The following TENM1 variants were observed in gnomAD, a reference collection of about 807,000 sequenced individuals.
TENM1 encodes teneurin transmembrane protein 1, also known as teneurin-1.
TENM1 carries 35 observed loss-of-function variants against 174.8 expected under a neutral mutation model. The observed-to-expected ratio is 0.20, with a 90% CI of 0.15 to 0.27. The LOEUF (loss-of-function observed/expected upper bound fraction) is 0.27. Among genes scored for constraint, TENM1 ranks in the 10% least tolerant of loss-of-function variants. The pLI, the probability that TENM1 is intolerant of heterozygous loss-of-function variation, is 1.00. For missense variants in TENM1, 1,633 were observed against 2,130.1 expected, an observed-to-expected ratio of 0.77 and a Z score of 4.59; for synonymous variants, 781 against 798.7, an observed-to-expected ratio of 0.98 and a Z score of 0.37.
At chrX:124,781,236 T>C (rs775711915) in intron 3 of TENM1, among the ~76,000 whole-genome samples, 2 of 111,947 alleles carry the variant, frequency 1.8e-5, no homozygotes, top group South Asian at 3.7e-4. Context: ...AAGCACACCA[T>C]ACACTTAATA....
chrX:124,587,237 CCTAAGCCA>C (rs2049553747), intron 11 of TENM1, among the ~76,000 whole-genome samples: 1 of 110,660 alleles, frequency 9.0e-6, no homozygotes, highest in African/African-American at 3.3e-5. Flanking sequence ...CCAAGTCAAT[CCTAAGCCA>C]AATGAACAAA....
intron 22 of TENM1, among the ~76,000 whole-genome samples, chrX:124,469,150 G>A (rs1461186972): frequency 1.8e-5 from 2 of 112,045 alleles, no homozygotes; most frequent in African/African-American, 3.2e-5. Context: ...TTAAATTAGG[G>A]CTGTGTCTGT....
chrX:124,583,889 C>T (rs943950430), intron 11 of TENM1, among the ~76,000 whole-genome samples: 1 of 105,998 alleles, frequency 9.4e-6, no homozygotes, highest in African/African-American at 3.5e-5. Flanking sequence ...GTGAAGAATG[C>T]AGAAGCCTCA....
chrX:124,756,363 G>A (rs1300363160), intron 3 of TENM1, among the ~76,000 whole-genome samples: 1 of 102,475 alleles, frequency 9.8e-6, no homozygotes, highest in East Asian at 3.0e-4. Context: ...GCACTTCTCT[G>A]TATTGGTTAT....
At chrX:124,668,249 T>A (rs2051823520) in intron 6 of TENM1, among the ~76,000 whole-genome samples, 1 of 111,695 alleles carries the variant, frequency 9.0e-6, no homozygotes, top group Non-Finnish European at 1.9e-5. Context: ...ACACTGTTGG[T>A]GGGACTGTAA....
At chrX:124,764,768 A>C (rs1284941958) in intron 3 of TENM1, among the ~76,000 whole-genome samples, 2 of 110,120 alleles carry the variant, frequency 1.8e-5, no homozygotes, top group Non-Finnish European at 3.8e-5. Flanking sequence ...TTTAAATTCA[A>C]AAGTTTTAGA....
intron 5 of TENM1, among the ~76,000 whole-genome samples, chrX:124,702,127 A>G (rs955813194): frequency 1.8e-5 from 2 of 112,315 alleles, no homozygotes; most frequent in African/African-American, 6.5e-5. Flanking sequence ...AGACTCAGCA[A>G]TAGTCGAGAA....
At chrX:124,990,571 A>C in the TENM1 span, among the ~76,000 whole-genome samples, 4 of 112,934 alleles carry the variant, frequency 3.5e-5, no homozygotes, top group Non-Finnish European at 7.5e-5. Context: ...AGACATACAT[A>C]ATATCACCTT....
At chrX:125,047,705 C>T in the TENM1 span, among the ~76,000 whole-genome samples, 1 of 111,504 alleles carries the variant, frequency 9.0e-6, no homozygotes, top group Non-Finnish European at 1.9e-5. Context: ...CTCTCAAATA[C>T]GTAATTTGGT....
intron 3 of TENM1, among the ~76,000 whole-genome samples, chrX:124,772,782 C>T (rs749102569): frequency 4.5e-5 from 5 of 111,249 alleles, no homozygotes; most frequent in Middle Eastern, 9.3e-3. Context: ...TGAACCTTTT[C>T]TTATTTTCAT....
intron 1 of TENM1, among the ~76,000 whole-genome samples, chrX:124,960,293 A>T (rs945320194): frequency 1.8e-5 from 2 of 111,581 alleles, no homozygotes; most frequent in Non-Finnish European, 3.8e-5. Flanking sequence ...TTTAACTTAG[A>T]TCAAATATCA....
rs2047898557 is a variant in TENM1, at chrX:124,523,416, G to A, written c.2981C>T (p.Thr994Ile). The change falls in exon 17 of 32, where the codon ACA becomes ATA. Residue 994 changes from threonine (T) to isoleucine (I), a missense_variant. Physicochemically the swap from Thr to Ile is moderately conservative, Grantham distance 89 (BLOSUM62 -1). Around this residue, in one of 4 missense-constraint regions of TENM1, gnomAD observed 449 missense variants for 636.2 expected, o/e 0.71. Coordinates refer to ENST00000422452, the Ensembl canonical transcript of TENM1. ...CTCTGGACAGGACCCTCCAAATGAT[G>A]TGAGCGGTGAAGGAAGCACAATAGG... The A allele has an allele frequency of 1.4e-5, 17 of 1,211,696 alleles. No individual in the cohort carries two copies. The highest frequency in any genetic ancestry group is 1.3e-5 in the Non-Finnish European group (12 of 895,371).
chrX:124,712,762 G>A (rs1272987367), intron 4 of TENM1, among the ~76,000 whole-genome samples: 1 of 111,790 alleles, frequency 8.9e-6, no homozygotes, highest in East Asian at 2.8e-4. Context: ...GATGACAGGC[G>A]TGAGACACCG....
chrX:125,031,240 TG>T, the TENM1 span, among the ~76,000 whole-genome samples: 1 of 111,453 alleles, frequency 9.0e-6, no homozygotes, highest in Non-Finnish European at 1.9e-5. Flanking sequence ...TTAATTCACC[TG>T]GGATAATGGC....
chrX:125,172,633 C>T, the TENM1 span, among the ~76,000 whole-genome samples: 1 of 111,245 alleles, frequency 9.0e-6, no homozygotes, highest in African/African-American at 3.3e-5. Context: ...ATTTGAAAAA[C>T]AGCAGAAAAT....
chrX:124,800,335 G>A (rs1422642365), intron 3 of TENM1, among the ~76,000 whole-genome samples: 1 of 111,494 alleles, frequency 9.0e-6, no homozygotes, highest in Non-Finnish European at 1.9e-5. Flanking sequence ...TCTTGGGATG[G>A]TGTATGTGTT....
chrX:125,168,767 G>A, the TENM1 span, among the ~76,000 whole-genome samples: 1 of 111,359 alleles, frequency 9.0e-6, no homozygotes, highest in Non-Finnish European at 1.9e-5. Flanking sequence ...AATAATCTGA[G>A]GGAGTTGAAA....
chrX:124,726,604 C>T (rs1157705240), intron 4 of TENM1, among the ~76,000 whole-genome samples: 7 of 111,679 alleles, frequency 6.3e-5, no homozygotes, highest in African/African-American at 9.8e-5. Context: ...TGCTAACCTC[C>T]GTGCTGTTAA....
At chrX:125,005,835 C>T in the TENM1 span, among the ~76,000 whole-genome samples, 260 of 111,791 alleles carry the variant, frequency 2.3e-3, 1 homozygote, top group African/African-American at 8.0e-3. Context: ...GTGCCACCTA[C>T]CCAGGGTACT....
Sources: allele counts gnomAD v4.1 joint callset (sites outside exome capture counted in the v4.1 genomes callset), GRCh38; gene constraint gnomAD v4.1.1; regional missense constraint gnomAD v4.1.1; transcripts MANE v1.5; gene names NCBI Gene and HGNC (gene_info 2026-07-23, HGNC 2026-07-21).